The following TJP2 variants were observed in gnomAD, a reference collection of about 807,000 sequenced individuals.
TJP2 encodes tight junction protein 2, also known as Friedreich ataxia region gene X104 (tight junction protein ZO-2).
A neutral mutation model predicts 133.1 loss-of-function variants in TJP2; 91 were observed. The observed-to-expected ratio is 0.68, with a 90% CI of 0.58 to 0.81. The LOEUF (loss-of-function observed/expected upper bound fraction) is 0.81. Among genes scored for constraint, TJP2 ranks in the 40% least tolerant of loss-of-function variants. The probability of loss-of-function intolerance (pLI) is 0.00; values close to 1 mark genes in which losing one functional copy is unlikely to be tolerated. For synonymous variants in TJP2, 592 were observed against 583.4 expected (o/e 1.01, Z -0.21); for missense variants, 1,541 against 1,565.6 (o/e 0.98, Z 0.26).
rs1048126838 is a variant in TJP2, at chr9:69,174,316, G to C, written c.-57G>C. The C allele has an allele frequency of 3.2e-6, 5 of 1,550,482 alleles. No individual in the cohort carries two copies. In the African/African-American group the frequency reaches 4.1e-5, roughly 13 times the overall value. On this transcript the variant is annotated 5_prime_UTR_variant, in exon 1 of 23. Transcript: ENST00000377245. ...TGGTGCCCAGGAGGAGTAGGAGCAGGAGCAGAAGCAGAAGCGGGGTCCGGA... is the reference window on the plus strand; with the variant it reads ...TGGTGCCCAGGAGGAGTAGGAGCAGCAGCAGAAGCAGAAGCGGGGTCCGGA...
chr9:69,155,493 G>A (rs527780865), intron 2 of TJP2, among the ~76,000 whole-genome samples: 1 of 152,362 alleles, frequency 6.6e-6, no homozygotes, highest in East Asian at 1.9e-4. Flanking sequence ...CACCCCCAGG[G>A]TTTCTGCTTC....
At chr9:69,224,761 G>A (rs1829203932) in intron 5 of TJP2, among the ~76,000 whole-genome samples, 1 of 152,120 alleles carries the variant, frequency 6.6e-6, no homozygotes, top group East Asian at 1.9e-4. Context: ...TTAACATTTT[G>A]CCACACTTTC....
At chr9:69,158,849 C>T (rs941548857) in intron 2 of TJP2, among the ~76,000 whole-genome samples, 7 of 152,076 alleles carry the variant, frequency 4.6e-5, no homozygotes, top group African/African-American at 7.2e-5. Flanking sequence ...TCACTCACAT[C>T]GGTTTTGATT....
At chr9:69,185,068 T>C (rs1825766617) in intron 1 of TJP2, among the ~76,000 whole-genome samples, 1 of 150,214 alleles carries the variant, frequency 6.7e-6, no homozygotes, top group Non-Finnish European at 1.5e-5. Flanking sequence ...GATTTCTTTT[T>C]TTTTTTTTTT....
intron 1 of TJP2, among the ~76,000 whole-genome samples, chr9:69,198,811 T>A (rs879721854): frequency 3.9e-5 from 6 of 152,238 alleles, no homozygotes; most frequent in Non-Finnish European, 8.8e-5. Context: ...GGGTTTTGTT[T>A]GTAAAACAAA....
chr9:69,254,810 T>A lies in TJP2; in HGVS notation c.*436T>A. ...CTCAAACTAAATTCAAAGAAGTACT[T>A]TATTGCAACTCTTTTAAGTGCCTTG... On this transcript the variant is annotated 3_prime_UTR_variant, in exon 23 of 23. Transcript: ENST00000377245. 2.1e-6 allele frequency: 1 copy of A among 473,340 alleles called. No homozygotes were observed. The highest frequency in any genetic ancestry group is 3.7e-6 in the Non-Finnish European group (1 of 271,126). 29.3% of individuals were successfully genotyped at this position (473,340 alleles called of 1,614,324 possible). A position where few individuals can be genotyped will look rare whatever the true frequency, so the allele number is the denominator to read the frequency against.
chr9:69,192,558 G>A (rs891323375), intron 1 of TJP2, among the ~76,000 whole-genome samples: 2 of 152,136 alleles, frequency 1.3e-5, no homozygotes, highest in African/African-American at 2.4e-5. Context: ...ATTTTCTTTC[G>A]CTAGACAGTT....
chr9:69,145,812 C>G (rs1418869581), intron 1 of TJP2: 18 of 1,231,852 alleles, frequency 1.5e-5, no homozygotes, highest in Non-Finnish European at 1.8e-5. Context: ...CCTTTGGCAA[C>G]AACCTGGGTA....
chr9:69,173,428 A>G (rs1002814473), upstream of TJP2, among the ~76,000 whole-genome samples: 4 of 152,232 alleles, frequency 2.6e-5, no homozygotes, highest in Admixed American at 2.0e-4. Context: ...GAATTGCATT[A>G]GATGAATCCT....
intron 1 of TJP2, among the ~76,000 whole-genome samples, chr9:69,134,053 CAT>C (rs1396474105): frequency 2.0e-5 from 3 of 152,200 alleles, no homozygotes; most frequent in African/African-American, 4.8e-5. Context: ...TGGTCACTCA[CAT>C]CCGTATTACA....
At chr9:69,174,036 C>T, upstream of TJP2, 1 of 1,046,456 alleles carries the variant, frequency 9.6e-7, no homozygotes, top group Non-Finnish European at 1.1e-6. Flanking sequence ...CCTCCCGCCC[C>T]CGGCCAGGAG....
intron 2 of TJP2, among the ~76,000 whole-genome samples, chr9:69,168,718 C>A (rs1406962776): frequency 6.6e-6 from 1 of 151,390 alleles, no homozygotes; most frequent in African/African-American, 2.4e-5. Context: ...TCGCTTGAAC[C>A]TGGGAGGCAG....
rs1399030562 is a variant in TJP2 at position 69,237,030 on chromosome 9, G to T, written c.2073G>T (p.Gln691His). 1.2e-6 allele frequency: 2 copies of T among 1,614,210 alleles called. No homozygotes were observed. The highest frequency in any genetic ancestry group is 3.3e-5 in the Admixed American group (2 of 60,024). The change falls in exon 14 of 23, where the codon CAG (glutamine) becomes CAT (histidine). Residue 691 changes from glutamine (Q) to histidine (H), a missense_variant. By Grantham distance (24) the Gln-to-His change is conservative (BLOSUM62 0). Coordinates refer to ENST00000377245, the MANE Select transcript of TJP2 (RefSeq NM_004817.4). ...DRADFWRMRG[Q>H]RSGVKKNLRK... ...CAGATTTCTGGAGAATGCGTGGCCA[G>T]AGGTCTGGGGTGAAGAAGAACCTGA...
chr9:69,223,037 C>A (rs1829009169), intron 5 of TJP2, among the ~76,000 whole-genome samples: 1 of 133,488 alleles, frequency 7.5e-6, no homozygotes, highest in Non-Finnish European at 1.6e-5. Flanking sequence ...TCACTGCACT[C>A]CAGCCTGGGT....
At chr9:69,159,748 C>T (rs7874913) in intron 2 of TJP2, among the ~76,000 whole-genome samples, 14,785 of 151,714 alleles carry the variant, frequency 0.097, 767 homozygotes, top group South Asian at 0.16. Context: ...TGGTGGAACG[C>T]GCCTGTAGTC....
intron 1 of TJP2, among the ~76,000 whole-genome samples, chr9:69,192,027 C>G (rs1826238023): frequency 6.6e-6 from 1 of 152,076 alleles, no homozygotes; most frequent in Admixed American, 6.5e-5. Context: ...CGTGAGCCAC[C>G]ATGCCCAGCC....
At chr9:69,191,463 TG>T (rs1826198379) in intron 1 of TJP2, among the ~76,000 whole-genome samples, 1 of 152,220 alleles carries the variant, frequency 6.6e-6, no homozygotes, top group Non-Finnish European at 1.5e-5. Context: ...AATAAAGTGC[TG>T]GTGTGGCTTC....
intron 1 of TJP2, among the ~76,000 whole-genome samples, chr9:69,209,329 T>G (rs1827680437): frequency 6.6e-6 from 1 of 152,008 alleles, no homozygotes; most frequent in African/African-American, 2.4e-5. Context: ...AGATAGGGTT[T>G]CACCATGTTG....
At chr9:69,124,658 C>G (rs1170777334) in intron 1 of TJP2, among the ~76,000 whole-genome samples, 1 of 77,706 alleles carries the variant, frequency 1.3e-5, no homozygotes, top group African/African-American at 3.9e-5. Flanking sequence ...GCAGAACATT[C>G]TCTCTTAAGA....
Sources: allele counts gnomAD v4.1 joint callset (sites outside exome capture counted in the v4.1 genomes callset), GRCh38; gene constraint gnomAD v4.1.1; transcripts MANE v1.5; gene names NCBI Gene and HGNC (gene_info 2026-07-23, HGNC 2026-07-21).